The following DSCAM variants were observed in gnomAD, a reference collection of about 807,000 sequenced individuals.
DSCAM encodes the protein DS cell adhesion molecule.
A neutral mutation model predicts 217.7 loss-of-function variants in DSCAM; 47 were observed. That is an observed-to-expected ratio of 0.22 (90% confidence interval 0.17 to 0.28). DSCAM has a LOEUF of 0.28. Ranked by LOEUF, DSCAM falls within the 10% of genes least tolerant of loss-of-function variation. The probability of loss-of-function intolerance (pLI) is 1.00; values close to 1 mark genes in which losing one functional copy is unlikely to be tolerated. For missense variants in DSCAM, 2,080 were observed against 2,618.3 expected (o/e 0.79, Z 4.49); for synonymous variants, 1,056 against 1,015.3 (o/e 1.04, Z -0.76).
chr21:40,326,365 A>G (rs867783696), intron 8 of DSCAM, among the ~76,000 whole-genome samples: 2 of 152,196 alleles, frequency 1.3e-5, no homozygotes, highest in Non-Finnish European at 1.5e-5. Context: ...TCTTTTATTC[A>G]TTAGAAAATG....
chr21:40,766,567 T>G (rs2123364107), intron 1 of DSCAM, among the ~76,000 whole-genome samples: 1 of 143,020 alleles, frequency 7.0e-6, no homozygotes, highest in African/African-American at 2.6e-5. Context: ...GAGCATCAGA[T>G]GGAGAAAACA....
intron 1 of DSCAM, among the ~76,000 whole-genome samples, chr21:40,726,553 A>AC (rs1278964395): frequency 6.6e-6 from 1 of 151,808 alleles, no homozygotes; most frequent in Non-Finnish European, 1.5e-5. Context: ...TAACAGGAAA[A>AC]AAAAAAATAC....
intron 6 of DSCAM, among the ~76,000 whole-genome samples, chr21:40,346,376 T>A (rs2074557972): frequency 6.6e-6 from 1 of 152,206 alleles, no homozygotes; most frequent in Non-Finnish European, 1.5e-5. Context: ...AAAAATTAGC[T>A]AAGGTTAAAA....
chr21:40,764,530 A>T (rs1367072068), intron 1 of DSCAM, among the ~76,000 whole-genome samples: 1 of 152,206 alleles, frequency 6.6e-6, no homozygotes, highest in Non-Finnish European at 1.5e-5. Context: ...ACCATTATGG[A>T]AGACAGTGTG....
chr21:40,018,930 C>T (rs9983328), intron 32 of DSCAM, among the ~76,000 whole-genome samples: 23,779 of 152,240 alleles, frequency 0.16, 1,986 homozygotes, highest in Middle Eastern at 0.22. Context: ...GTGTGATTCT[C>T]TAATTAGCTC....
chr21:40,240,059 A>C (rs913150090), intron 11 of DSCAM, among the ~76,000 whole-genome samples: 4 of 152,190 alleles, frequency 2.6e-5, no homozygotes, highest in African/African-American at 9.6e-5. Flanking sequence ...GTTGGAACAC[A>C]AATTGCCAGG....
chr21:40,688,493 T>C (rs556494112), intron 3 of DSCAM, among the ~76,000 whole-genome samples: 2 of 152,350 alleles, frequency 1.3e-5, no homozygotes, highest in East Asian at 1.9e-4. Flanking sequence ...ATTAATATTA[T>C]GGCATTTAAA....
intron 19 of DSCAM, among the ~76,000 whole-genome samples, chr21:40,124,614 G>A (rs1017166905): frequency 6.6e-6 from 1 of 152,124 alleles, no homozygotes; most frequent in Non-Finnish European, 1.5e-5. Flanking sequence ...AAAAGGGCCA[G>A]TTTGGACACA....
intron 3 of DSCAM, among the ~76,000 whole-genome samples, chr21:40,442,144 C>T (rs1174433905): frequency 6.6e-6 from 1 of 152,076 alleles, no homozygotes; most frequent in Non-Finnish European, 1.5e-5. Flanking sequence ...TTTCTTAGTA[C>T]AGAAAGTAAT....
intron 14 of DSCAM, among the ~76,000 whole-genome samples, chr21:40,182,606 C>T (rs186657997): frequency 1.9e-4 from 24 of 129,202 alleles, no homozygotes; most frequent in Middle Eastern, 4.2e-3. Context: ...GCAGAGAAAC[C>T]GTGGACAGAA....
At chr21:40,100,635 C>CTT (rs34909847) in intron 20 of DSCAM, among the ~76,000 whole-genome samples, 2,773 of 131,890 alleles carry the variant, frequency 0.021, 86 homozygotes, top group African/African-American at 0.069. Flanking sequence ...GACTCTGAAT[C>CTT]TTTTTTTTTT....
chr21:40,293,212 C>T lies in DSCAM; in HGVS notation c.2182+2843G>A, dbSNP rs141194268. Among the ~76,000 whole-genome samples the T allele has an allele frequency of 3.4e-3, 515 of 152,220 alleles. 2 individuals are homozygous for T. The highest frequency in any genetic ancestry group is 6.8e-3 in the Middle Eastern group (2 of 294). On this transcript the variant is annotated intron_variant, in intron 10 of 32. Coordinates refer to ENST00000400454, the MANE Select transcript of DSCAM (RefSeq NM_001389.5). Reference sequence around the variant, plus strand: ...TTATAGCCAGGGGCGACCCGGCCAGCGATCCAGAGAGATGCTGGCAAAATT... The same window carrying T: ...TTATAGCCAGGGGCGACCCGGCCAGTGATCCAGAGAGATGCTGGCAAAATT...
chr21:40,628,022 T>G lies in DSCAM; in HGVS notation c.508+64788A>C, dbSNP rs2089627287. Among the ~76,000 whole-genome samples, 5 of 152,222 alleles carry G rather than the reference T, an allele frequency of 3.3e-5. No individual in the cohort carries two copies. The South Asian group carries it at 1.0e-3, about 32-fold the overall frequency. ...ATTCAGATGGTACATTTGACCACTT[T>G]GTATACCACCTTGTTGTGTATTTAG... On this transcript the variant is annotated intron_variant, in intron 3 of 32. Coordinates refer to ENST00000400454, the MANE Select transcript of DSCAM (RefSeq NM_001389.5).
chr21:40,078,694 G>C lies in DSCAM; in HGVS notation c.4704C>G (p.Tyr1568Ter). ...EKQANFATLN[Y>*]DGSTIPPLIK... is the part of the protein sequence containing the mutation. ...CAAAGCCAGCCAGCTTACTGCCATC[G>C]TAGTTCAGCGTAGCGAAGTTGGCCT... The change falls in exon 26 of 33, where the codon TAC becomes TAG. Residue 1568 changes from tyrosine to a stop codon, truncating the protein, a stop_gained. Coordinates refer to ENST00000400454, the MANE Select transcript of DSCAM (RefSeq NM_001389.5). LOFTEE classifies it high-confidence loss of function. 1 of 1,612,914 alleles carries C rather than the reference G, an allele frequency of 6.2e-7. No individual in the cohort carries two copies. Among genetic ancestry groups the C allele is most frequent in the Non-Finnish European group, 8.5e-7 (1 of 1,179,116 alleles).
At chr21:40,254,079 T>C (rs575581444) in intron 11 of DSCAM, among the ~76,000 whole-genome samples, 3 of 152,304 alleles carry the variant, frequency 2.0e-5, no homozygotes, top group Admixed American at 1.3e-4. Flanking sequence ...AATTAGTGCC[T>C]GAATCAAACT....
At chr21:40,817,922 C>G (rs2091894186) in intron 1 of DSCAM, among the ~76,000 whole-genome samples, 1 of 149,758 alleles carries the variant, frequency 6.7e-6, no homozygotes, top group Non-Finnish European at 1.5e-5. Flanking sequence ...AGGTGAAACC[C>G]CGTCTCTACT....
At chr21:40,685,882 G>C (rs140345885) in intron 3 of DSCAM, among the ~76,000 whole-genome samples, 1 of 152,116 alleles carries the variant, frequency 6.6e-6, no homozygotes, top group African/African-American at 2.4e-5. Context: ...GCATTGTATT[G>C]TGGGAGAGGA....
intron 27 of DSCAM, among the ~76,000 whole-genome samples, chr21:40,065,885 TA>T: frequency 6.6e-6 from 1 of 152,170 alleles, no homozygotes; most frequent in Non-Finnish European, 1.5e-5. Context: ...CAGCCCTCAT[TA>T]GCACAGAGAA....
At chr21:40,437,179 G>A (rs556410903) in intron 3 of DSCAM, among the ~76,000 whole-genome samples, 17 of 152,240 alleles carry the variant, frequency 1.1e-4, no homozygotes, top group Non-Finnish European at 2.5e-4. Context: ...ACCTACAGGC[G>A]GCTTTCTTCA....
Sources: gnomAD v4.1 joint callset for allele counts (sites outside exome capture counted in the v4.1 genomes callset) on GRCh38, gnomAD v4.1.1 for gene constraint, MANE v1.5 for transcripts, NCBI Gene and HGNC (gene_info 2026-07-23, HGNC 2026-07-21) for gene names.